Variants in NEK10 observed in about 807,000 individuals in gnomAD.
The protein encoded by NEK10 is serine/threonine-protein kinase Nek10.
A neutral mutation model predicts 159.8 loss-of-function variants in NEK10; 122 were observed. The ratio of observed to expected loss-of-function variants is 0.76; its 90% CI spans 0.66 to 0.89. The LOEUF (loss-of-function observed/expected upper bound fraction) is 0.89. Among genes scored for constraint, NEK10 ranks in the 40% least tolerant of loss-of-function variants. The pLI is 0.00. For missense variants in NEK10, 1,342 were observed against 1,323.1 expected, an observed-to-expected ratio of 1.01 and a Z score of -0.22; for synonymous variants, 466 against 457.1, an observed-to-expected ratio of 1.02 and a Z score of -0.25.
intron 13 of NEK10, among the ~76,000 whole-genome samples, chr3:27,298,842 T>C (rs1041901469): frequency 6.6e-6 from 1 of 152,164 alleles, no homozygotes; most frequent in African/African-American, 2.4e-5. Context: ...TCTGTGGAAC[T>C]TTGAACTTGA....
intron 6 of NEK10, among the ~76,000 whole-genome samples, chr3:27,316,018 G>C (rs1023051658): frequency 1.3e-5 from 2 of 152,188 alleles, no homozygotes; most frequent in African/African-American, 4.8e-5. Flanking sequence ...CTGTAATTCC[G>C]AGAGAAGCAG....
intron 26 of NEK10, among the ~76,000 whole-genome samples, chr3:27,175,417 G>T (rs1238764164): frequency 6.6e-6 from 1 of 152,164 alleles, no homozygotes; most frequent in Non-Finnish European, 1.5e-5. Context: ...CAAAACGGAT[G>T]GATGCATTTC....
chr3:27,310,207 T>G (rs2044581195), intron 9 of NEK10: 1 of 152,232 alleles, frequency 6.6e-6, no homozygotes, highest in Non-Finnish European at 1.5e-5. Context: ...TTTCCCAAAC[T>G]TCAATCCATT....
chr3:27,213,361 T>C (rs2149107240), intron 23 of NEK10, among the ~76,000 whole-genome samples: 1 of 152,322 alleles, frequency 6.6e-6, no homozygotes, highest in African/African-American at 2.4e-5. Flanking sequence ...ATCTTTGCTG[T>C]CTGTACCTCT....
chr3:27,192,374 G>A (rs561820811), intron 25 of NEK10, 132 bp from the exon 26 acceptor site: 9 of 666,142 alleles, frequency 1.4e-5, no homozygotes, highest in Non-Finnish European at 2.3e-5. Context: ...GGGATAAGAT[G>A]GATATCAAGC....
chr3:27,184,552 T>C (rs1185477850), intron 26 of NEK10, among the ~76,000 whole-genome samples: 1 of 152,204 alleles, frequency 6.6e-6, no homozygotes, highest in Admixed American at 6.5e-5. Context: ...TACATGTAAA[T>C]TATATGTCAA....
At position 27,174,688 on chromosome 3, in the gene NEK10, A is replaced by G. The variant is rs773924654; in HGVS notation, c.2651T>C (p.Leu884Pro). Residue 884 changes from leucine (L) to proline (P), a missense_variant, in exon 27 of 36, where the codon CTG becomes CCG. Coordinates refer to ENST00000691995, the MANE Select transcript of NEK10 (RefSeq NM_001394966.1). ...TTCCAGGTTGAAGTTATCATCTGAC[A>G]GGATTTCGTCACAGGCCCTGTCTTC... Reference protein sequence around the residue: ...KDEDRACDEILSDDNFNLENA... With the variant: ...KDEDRACDEIPSDDNFNLENA... 1 of 1,613,154 alleles carries G rather than the reference A, an allele frequency of 6.2e-7. No homozygotes were observed. The highest frequency in any genetic ancestry group is 1.7e-5 in the Admixed American group (1 of 59,820).
At chr3:27,175,034 T>C (rs1424525208) in intron 26 of NEK10, among the ~76,000 whole-genome samples, 2 of 152,168 alleles carry the variant, frequency 1.3e-5, no homozygotes, top group Non-Finnish European at 2.9e-5. Context: ...GTCTATAAGC[T>C]ACATTGGATC....
intron 7 of NEK10, among the ~76,000 whole-genome samples, chr3:27,313,858 C>T (rs2044920252): frequency 6.6e-6 from 1 of 152,154 alleles, no homozygotes; most frequent in Non-Finnish European, 1.5e-5. Flanking sequence ...ATTATAGGCA[C>T]CTGGCACCAT....
At chr3:27,279,859 A>C (rs1482829370) in intron 22 of NEK10, among the ~76,000 whole-genome samples, 1 of 152,072 alleles carries the variant, frequency 6.6e-6, no homozygotes, top group Non-Finnish European at 1.5e-5. Flanking sequence ...GCTTCACTTA[A>C]AGCTAAACGG....
intron 23 of NEK10, among the ~76,000 whole-genome samples, chr3:27,218,797 C>A (rs1055999749): frequency 1.3e-4 from 19 of 149,166 alleles, no homozygotes; most frequent in Non-Finnish European, 2.1e-4. Flanking sequence ...TTGACGAAGT[C>A]CAACTGTCTT....
Position 27,346,193 on chromosome 3 carries a change from A to T in NEK10, c.156T>A (p.Ser52Arg), listed in dbSNP as rs769402263. 1 of 1,613,742 alleles carries T rather than the reference A, an allele frequency of 6.2e-7. No individual in the cohort carries two copies. Among genetic ancestry groups the T allele is most frequent in the Non-Finnish European group, 8.5e-7 (1 of 1,179,694 alleles). Reference protein sequence around the residue: ...KQQLPAINFDSAQNSMTKSEP... With the variant: ...KQQLPAINFDRAQNSMTKSEP... Reference sequence around the variant, plus strand: ...CAGACTTCGTCATGCTATTTTGGGCACTATCGAAGTTAATGGCTGGAAGCT... The same window carrying T: ...CAGACTTCGTCATGCTATTTTGGGCTCTATCGAAGTTAATGGCTGGAAGCT... The change falls in exon 4 of 36, where the codon AGT becomes AGA. Residue 52 changes from serine to arginine, a missense_variant. Physicochemically the swap from Ser to Arg is moderately radical, Grantham distance 110. Coordinates refer to ENST00000691995, the MANE Select transcript of NEK10 (RefSeq NM_001394966.1).
intron 22 of NEK10, among the ~76,000 whole-genome samples, chr3:27,258,091 C>A (rs571562524): frequency 6.6e-6 from 1 of 151,994 alleles, no homozygotes; most frequent in South Asian, 2.1e-4. Flanking sequence ...CCTCCATGCC[C>A]GGCCTCCAAT....
At chr3:27,311,052 GA>G (rs1305618322) in intron 8 of NEK10, 36 bp from the exon 9 acceptor site, 7 of 1,324,504 alleles carry the variant, frequency 5.3e-6, no homozygotes, top group Non-Finnish European at 5.4e-6. Context: ...GAGGCATCCA[GA>G]GATTAAAGGG....
At chr3:27,153,955 A>T (rs1191326209) in intron 30 of NEK10, among the ~76,000 whole-genome samples, 1 of 152,222 alleles carries the variant, frequency 6.6e-6, no homozygotes, top group Admixed American at 6.5e-5. Context: ...AATAACCAAG[A>T]TCAAAGCAGA....
rs183184216 is a variant in NEK10 at position 27,338,012 on chromosome 3, G to T, written c.362+6260C>A. ...CACAACGTGCAGGTTTGTTACATGG[G>T]TATATATGTGCCATGTTTGTTTGCT... On this transcript the variant is annotated intron_variant, in intron 5 of 35. Coordinates refer to ENST00000691995, the MANE Select transcript of NEK10 (RefSeq NM_001394966.1). Among the ~76,000 whole-genome samples the T allele has an allele frequency of 1.1e-3, 164 of 152,190 alleles. 1 individual carries two copies. The highest frequency in any genetic ancestry group is 2.0e-3 in the Non-Finnish European group (137 of 68,016).
intron 25 of NEK10, among the ~76,000 whole-genome samples, chr3:27,200,396 T>A (rs756025025): frequency 6.6e-6 from 1 of 152,000 alleles, no homozygotes; most frequent in Non-Finnish European, 1.5e-5. Flanking sequence ...ATTTCTACAA[T>A]CCAAAATACT....
At chr3:27,314,378 G>A (rs886744620) in intron 6 of NEK10, 40 bp from the exon 7 acceptor site, 57 of 1,222,350 alleles carry the variant, frequency 4.7e-5, no homozygotes, top group Non-Finnish European at 7.2e-6. Flanking sequence ...TAAATGATGA[G>A]GGTGGAGGGG....
chr3:27,224,135 G>A (rs1013799414), intron 23 of NEK10, among the ~76,000 whole-genome samples: 11 of 152,230 alleles, frequency 7.2e-5, no homozygotes, highest in African/African-American at 2.4e-4. Context: ...CACAGAGAAT[G>A]CCAGGTGAGG....
Sources: gnomAD v4.1 joint callset for allele counts (sites outside exome capture counted in the v4.1 genomes callset) on GRCh38, gnomAD v4.1.1 for gene constraint, MANE v1.5 for transcripts, NCBI Gene and HGNC (gene_info 2026-07-23, HGNC 2026-07-21) for gene names.